Variants in PARP15 observed in about 807,000 individuals in gnomAD.
PARP15 encodes protein mono-ADP-ribosyltransferase PARP15.
In PARP15, 50 loss-of-function variants were observed where a neutral mutation model predicts 62.1. The ratio of observed to expected loss-of-function variants is 0.81; its 90% CI spans 0.64 to 1.02. The LOEUF (loss-of-function observed/expected upper bound fraction) is 1.02, where lower values mean the gene tolerates loss of function less well. Among genes scored for constraint, PARP15 ranks in the 50% least tolerant of loss-of-function variants. The pLI is 0.00. For missense variants in PARP15, 820 were observed against 826.5 expected, an observed-to-expected ratio of 0.99 and a Z score of 0.10; for synonymous variants, 309 against 293.1, an observed-to-expected ratio of 1.05 and a Z score of -0.55.
chr3:122,616,634 G>C lies in PARP15; in HGVS notation c.851-381G>C, dbSNP rs537065726. Among the ~76,000 whole-genome samples the C allele has an allele frequency of 3.3e-5, 5 of 152,146 alleles. No homozygotes were observed. The East Asian group carries it at 9.6e-4, about 29-fold the overall frequency. On this transcript the variant is annotated intron_variant, in intron 5 of 11. Coordinates refer to ENST00000464300, the MANE Select transcript of PARP15 (RefSeq NM_001113523.3). ...GAGCAGCCTTTATATTGCTACACCT[G>C]TGGTAATAAAAGACCCTCCTAGCAG...
At chr3:122,609,859 C>A (rs541145922) in intron 2 of PARP15, among the ~76,000 whole-genome samples, 45 of 152,104 alleles carry the variant, frequency 3.0e-4, no homozygotes, top group Middle Eastern at 3.4e-3. Flanking sequence ...AGGCTATGAC[C>A]CTCACTTCAC....
chr3:122,583,114 C>CTTTTTTTTTTTT lies in PARP15; in HGVS notation c.186+5273_186+5284dup, dbSNP rs67942585. Among the ~76,000 whole-genome samples, 39 of 83,480 alleles carry CTTTTTTTTTTTT rather than the reference C, an allele frequency of 4.7e-4. 1 individual carries two copies. Among genetic ancestry groups the CTTTTTTTTTTTT allele is most frequent in the Non-Finnish European group, 6.3e-4 (29 of 46,018 alleles). 54.8% of individuals were successfully genotyped at this position (83,480 alleles called of 152,430 possible). ...TGTTTACTAATTCTATCATCTGTAT[C>CTTTTTTTTTTTT]TTTTTTTTTTTTTTTTTTTTTTTGA... On this transcript the variant is annotated intron_variant, in intron 1 of 11. Transcript: ENST00000464300.
At chr3:122,618,712 C>T (rs973271560) in intron 6 of PARP15, among the ~76,000 whole-genome samples, 2 of 152,164 alleles carry the variant, frequency 1.3e-5, no homozygotes, top group Admixed American at 6.5e-5. Flanking sequence ...GGGCACCAGG[C>T]ATAGGTGAGA....
chr3:122,577,974 G>C (rs1258320630), intron 1 of PARP15, 121 bp downstream of exon 1: 7 of 1,090,002 alleles, frequency 6.4e-6, no homozygotes, highest in South Asian at 1.8e-5. Flanking sequence ...CTCTTCTAGG[G>C]GGCGCCGACT....
intron 1 of PARP15, among the ~76,000 whole-genome samples, chr3:122,584,825 G>A (rs373571175): frequency 1.3e-5 from 2 of 152,140 alleles, no homozygotes; most frequent in South Asian, 2.1e-4. Context: ...TGATCCACCC[G>A]CCGTGGCCTC....
chr3:122,581,323 A>G (rs905184950), intron 1 of PARP15, among the ~76,000 whole-genome samples: 3 of 152,172 alleles, frequency 2.0e-5, no homozygotes, highest in Admixed American at 1.3e-4. Flanking sequence ...TTGCATTCCC[A>G]CCAACAGTAC....
intron 9 of PARP15, among the ~76,000 whole-genome samples, chr3:122,629,379 C>A (rs1936924368): frequency 6.6e-6 from 1 of 152,144 alleles, no homozygotes; most frequent in Non-Finnish European, 1.5e-5. Context: ...GTGATCCACC[C>A]ACCGGCCTCT....
At chr3:122,635,652 A>G (rs1189497311) in intron 11 of PARP15, among the ~76,000 whole-genome samples, 159 bp from the exon 12 acceptor site, 1 of 152,144 alleles carries the variant, frequency 6.6e-6, no homozygotes, top group Non-Finnish European at 1.5e-5. Context: ...GCCTTAAGCA[A>G]TCCTCTTGCC....
intron 1 of PARP15, among the ~76,000 whole-genome samples, chr3:122,582,358 G>A (rs559106553): frequency 2.5e-4 from 38 of 152,016 alleles, no homozygotes; most frequent in Non-Finnish European, 4.4e-4. Flanking sequence ...AACATTTTTT[G>A]TAGAAATGGG....
At chr3:122,617,468 G>C (rs938608128) in intron 6 of PARP15, among the ~76,000 whole-genome samples, 6 of 152,112 alleles carry the variant, frequency 3.9e-5, no homozygotes, top group African/African-American at 1.4e-4. Flanking sequence ...CTTAGTGTCA[G>C]CTCTCAACTG....
At chr3:122,635,396 C>A (rs543832796) in intron 11 of PARP15, among the ~76,000 whole-genome samples, 1 of 151,490 alleles carries the variant, frequency 6.6e-6, no homozygotes, top group African/African-American at 2.4e-5. Context: ...ATAACTTTAA[C>A]GTGCAGTTTT....
intron 1 of PARP15, among the ~76,000 whole-genome samples, chr3:122,581,620 T>A (rs2080802876): frequency 6.6e-6 from 1 of 152,240 alleles, no homozygotes. Flanking sequence ...TTGTAGGGGT[T>A]CTTTGTATGT....
chr3:122,613,989 G>A (rs1055268972), intron 4 of PARP15, among the ~76,000 whole-genome samples: 1 of 151,866 alleles, frequency 6.6e-6, no homozygotes, highest in Non-Finnish European at 1.5e-5. Flanking sequence ...GGGATTACAG[G>A]CATGTGCTAC....
At chr3:122,607,995 C>T (rs1935269933) in intron 2 of PARP15, among the ~76,000 whole-genome samples, 2 of 152,090 alleles carry the variant, frequency 1.3e-5, no homozygotes, top group African/African-American at 4.8e-5. Flanking sequence ...ATTCCAAAAA[C>T]ATTATTTTAG....
rs150683153 is a variant in PARP15, at chr3:122,581,546, C to T, written c.186+3693C>T. Among the ~76,000 whole-genome samples the T allele has an allele frequency of 3.1e-3, 467 of 152,230 alleles. 5 individuals are homozygous for T. The highest frequency in any genetic ancestry group is 0.011 in the African/African-American group (455 of 41,548). ...TTCTTGTCATCCATTTGTATATCTT[C>T]TTCAGAGAAATGTCTATTCAAGTCC... On this transcript the variant is annotated intron_variant, in intron 1 of 11. Coordinates refer to ENST00000464300, the MANE Select transcript of PARP15 (RefSeq NM_001113523.3).
intron 9 of PARP15, among the ~76,000 whole-genome samples, chr3:122,628,710 G>T (rs1314248460): frequency 1.3e-5 from 2 of 152,194 alleles, no homozygotes; most frequent in African/African-American, 2.4e-5. Context: ...CAGCAGGGTT[G>T]TCAGTGCTGT....
rs1437696514 is a variant in PARP15 at position 122,636,782 on chromosome 3, CAAGAT to C, written c.*683_*687del. On this transcript the variant is annotated 3_prime_UTR_variant, in exon 12 of 12. Transcript: ENST00000464300. ...GCTAGGGTCTCTCTGAAGTTACAGA[CAAGAT>C]GTCAGGGGATGTGGTCGTTTGAAGG... The C allele has an allele frequency of 4.6e-5, 7 of 152,258 alleles. No homozygotes were observed. Among genetic ancestry groups the C allele is most frequent in the African/African-American group, 1.7e-4 (7 of 41,452 alleles). 9.4% of individuals were successfully genotyped at this position (152,258 alleles called of 1,614,324 possible).
At chr3:122,613,365 T>G (rs1935714068) in intron 4 of PARP15, 97 bp downstream of exon 4, 4 of 1,099,870 alleles carry the variant, frequency 3.6e-6, no homozygotes, top group Non-Finnish European at 4.0e-6. Flanking sequence ...TTTCTAATCC[T>G]GTGCCTATAA....
Position 122,635,033 on chromosome 3 carries a change from A to C in PARP15, c.1586A>C (p.Gln529Pro), listed in dbSNP as rs753177428. The C allele has an allele frequency of 6.2e-7, 1 of 1,614,024 alleles. No homozygotes were observed. The highest frequency in any genetic ancestry group is 8.5e-7 in the Non-Finnish European group (1 of 1,179,930). The change falls in exon 11 of 12, where the codon CAG (glutamine) becomes CCG (proline). Residue 529 changes from glutamine (Q) to proline (P), a missense_variant. Coordinates refer to ENST00000464300, the MANE Select transcript of PARP15 (RefSeq NM_001113523.3). ...SYAIEKIERI[Q>P]NAFLWQSYQV... ...TGTTACCTGCAGATTGAGAGGATACAGAATGCATTTCTCTGGCAGAGCTAC... is the reference window on the plus strand; with the variant it reads ...TGTTACCTGCAGATTGAGAGGATACCGAATGCATTTCTCTGGCAGAGCTAC...
Sources: allele counts gnomAD v4.1 joint callset (sites outside exome capture counted in the v4.1 genomes callset), GRCh38; gene constraint gnomAD v4.1.1; transcripts MANE v1.5; gene names NCBI Gene and HGNC (gene_info 2026-07-23, HGNC 2026-07-21).